Variants in CCDC171 observed in about 807,000 individuals in gnomAD.
CCDC171 encodes coiled-coil domain-containing protein 171.
CCDC171 carries 177 observed loss-of-function variants against 168.2 expected under a neutral mutation model. The ratio of observed to expected loss-of-function variants is 1.05; its 90% CI spans 0.93 to 1.19. The LOEUF (loss-of-function observed/expected upper bound fraction) is 1.19. Among genes scored for constraint, CCDC171 ranks in the 50% most tolerant of loss-of-function variants. CCDC171 has a pLI of 0.00. For missense variants in CCDC171, 1,991 were observed against 1,539.0 expected (o/e 1.29, Z -4.91); for synonymous variants, 687 against 540.8 (o/e 1.27, Z -3.75).
intron 7 of CCDC171, among the ~76,000 whole-genome samples, chr9:15,627,977 A>G (rs1313426487): frequency 1.3e-5 from 2 of 152,122 alleles, no homozygotes; most frequent in African/African-American, 4.8e-5. Context: ...GACCCTAAGA[A>G]TCATGGGTTT....
intron 3 of CCDC171, among the ~76,000 whole-genome samples, chr9:15,995,878 G>C (rs1028298041): frequency 6.6e-6 from 1 of 152,112 alleles, no homozygotes; most frequent in African/African-American, 2.4e-5. Flanking sequence ...CTGCTATGGG[G>C]TAGATCCACT....
chr9:15,633,622 C>G (rs1171192167), intron 7 of CCDC171, among the ~76,000 whole-genome samples: 2 of 152,148 alleles, frequency 1.3e-5, no homozygotes, highest in African/African-American at 4.8e-5. Context: ...GTGGCGATTC[C>G]TCAGGAATCT....
rs566834846 is a variant in CCDC171 at position 15,985,312 on chromosome 9, A to G, written n.369-35277A>G. Among the ~76,000 whole-genome samples the G allele has an allele frequency of 1.3e-3, 192 of 152,234 alleles. 1 individual carries two copies. In the South Asian group the frequency reaches 0.014, roughly 11 times the overall value. ...TTTCTTCCTAAGGTTCAAGTGCGAG[A>G]TACATTTGCAGGTATGAACACACTG... On this transcript the variant is annotated intron_variant and non_coding_transcript_variant, in intron 3 of 9. Coordinates refer to the CCDC171 transcript ENST00000486641.
intron 7 of CCDC171, among the ~76,000 whole-genome samples, chr9:15,639,776 A>C (rs914195779): frequency 6.6e-6 from 1 of 152,186 alleles, no homozygotes; most frequent in African/African-American, 2.4e-5. Context: ...ATGTTCTGCT[A>C]TGCTTTATAT....
chr9:15,902,835 A>G (rs1281192471), intron 24 of CCDC171, among the ~76,000 whole-genome samples: 1 of 152,196 alleles, frequency 6.6e-6, no homozygotes, highest in African/African-American at 2.4e-5. Context: ...CTCCCACCCT[A>G]ATACTGCACT....
chr9:15,632,566 G>A lies in CCDC171; in HGVS notation c.822+9153G>A, dbSNP rs528175982. Among the ~76,000 whole-genome samples, 140 of 152,250 alleles carry A rather than the reference G, an allele frequency of 9.2e-4. 2 individuals are homozygous for A. The highest frequency in any genetic ancestry group is 3.1e-3 in the African/African-American group (130 of 41,552). On this transcript the variant is annotated intron_variant, in intron 7 of 25. Transcript: ENST00000380701. Reference sequence around the variant, plus strand: ...AACATTCCATGCTCATGGGTAGGAAGAATCAATATCGTGAAAATGGCCATA... The same window carrying A: ...AACATTCCATGCTCATGGGTAGGAAAAATCAATATCGTGAAAATGGCCATA...
intron 25 of CCDC171, among the ~76,000 whole-genome samples, chr9:15,964,040 A>G (rs1830581573): frequency 1.3e-5 from 2 of 152,196 alleles, no homozygotes; most frequent in Admixed American, 1.3e-4. Flanking sequence ...TTGAGCAGCC[A>G]TTTTTGACCA....
At chr9:15,713,015 A>G (rs1449669568) in intron 11 of CCDC171, among the ~76,000 whole-genome samples, 1 of 152,222 alleles carries the variant, frequency 6.6e-6, no homozygotes, top group African/African-American at 2.4e-5. Context: ...AAGTCTGTCC[A>G]CATATTCTTC....
intron 24 of CCDC171, among the ~76,000 whole-genome samples, chr9:15,894,241 A>T (rs1330719049): frequency 1.3e-5 from 2 of 152,088 alleles, no homozygotes; most frequent in African/African-American, 4.8e-5. Context: ...ACACATTTAC[A>T]CATGAAGAAG....
At chr9:15,976,215 C>A (rs545935733), downstream of CCDC171, among the ~76,000 whole-genome samples, 1 of 152,150 alleles carries the variant, frequency 6.6e-6, no homozygotes, top group Non-Finnish European at 1.5e-5. Flanking sequence ...GAAACTAATA[C>A]ACCAGTAAAC....
chr9:15,861,641 C>G (rs1210594535), intron 23 of CCDC171, among the ~76,000 whole-genome samples: 1 of 151,842 alleles, frequency 6.6e-6, no homozygotes, highest in Non-Finnish European at 1.5e-5. Flanking sequence ...AGTTTTACTC[C>G]TCCTACCTTC....
intron 11 of CCDC171, among the ~76,000 whole-genome samples, chr9:15,696,302 T>A (rs543057479): frequency 6.6e-6 from 1 of 152,338 alleles, no homozygotes; most frequent in Non-Finnish European, 1.5e-5. Context: ...ATCTGTAGAT[T>A]TCTCAGTTGG....
Position 15,573,562 on chromosome 9 carries a change from G to A in CCDC171, c.177+1803G>A, listed in dbSNP as rs113519902. ...CTCCCAAAGTGCTGGGATTACAGGC[G>A]TGAGCCACTGTGCCCCGCCCAATTG... On this transcript the variant is annotated intron_variant, in intron 3 of 25. Transcript: ENST00000380701. Among the ~76,000 whole-genome samples, 34 of 152,276 alleles carry A rather than the reference G, an allele frequency of 2.2e-4. 2 individuals carry two copies. Among genetic ancestry groups the A allele is most frequent in the African/African-American group, 7.5e-4 (31 of 41,574 alleles).
At chr9:15,685,468 A>T (rs1170979169) in intron 10 of CCDC171, among the ~76,000 whole-genome samples, 1 of 151,926 alleles carries the variant, frequency 6.6e-6, no homozygotes, top group South Asian at 2.1e-4. Context: ...CCATATCTAC[A>T]AAAAAATTTA....
intron 21 of CCDC171, among the ~76,000 whole-genome samples, chr9:15,840,066 GGCCA>G (rs2060612734): frequency 6.6e-6 from 1 of 151,798 alleles, no homozygotes. Context: ...GTTAAATAAT[GGCCA>G]TTTAAATTCT....
intron 18 of CCDC171, among the ~76,000 whole-genome samples, chr9:15,765,762 G>C (rs920816866): frequency 6.6e-6 from 1 of 152,022 alleles, no homozygotes; most frequent in African/African-American, 2.4e-5. Context: ...TCAGGGTGGG[G>C]GTTTGCCAGG....
intron 5 of CCDC171, among the ~76,000 whole-genome samples, chr9:15,593,277 G>A (rs906644953): frequency 3.0e-4 from 45 of 152,214 alleles, no homozygotes; most frequent in Non-Finnish European, 6.0e-4. Context: ...TTTTTCTTCT[G>A]TTAATGGGAA....
At chr9:15,656,370 A>G (rs531674327) in intron 7 of CCDC171, among the ~76,000 whole-genome samples, 1 of 152,204 alleles carries the variant, frequency 6.6e-6, no homozygotes. Flanking sequence ...TCACCCATTC[A>G]TTCCATTCTT....
intron 21 of CCDC171, among the ~76,000 whole-genome samples, chr9:15,796,476 A>T (rs1294808651): frequency 1.3e-5 from 2 of 152,248 alleles, no homozygotes; most frequent in Admixed American, 1.3e-4. Flanking sequence ...CTTACAGAAG[A>T]ATAACAATTA....
Sources: gnomAD v4.1 joint callset for allele counts (sites outside exome capture counted in the v4.1 genomes callset) on GRCh38, gnomAD v4.1.1 for gene constraint, MANE v1.5 for transcripts, NCBI Gene and HGNC (gene_info 2026-07-23, HGNC 2026-07-21) for gene names.